Variants in MGRN1 observed in about 807,000 individuals in gnomAD.
The protein encoded by MGRN1 is mahogunin ring finger 1, also known as E3 ubiquitin-protein ligase MGRN1.
A neutral mutation model predicts 69.2 loss-of-function variants in MGRN1; 29 were observed. The ratio of observed to expected loss-of-function variants is 0.42; its 90% CI spans 0.31 to 0.57. The LOEUF (loss-of-function observed/expected upper bound fraction) is 0.57. MGRN1 is among the 20% of genes least tolerant of loss of function. The pLI, the probability that MGRN1 is intolerant of heterozygous loss-of-function variation, is 0.15. For synonymous variants in MGRN1, 470 were observed against 344.2 expected, an observed-to-expected ratio of 1.37 and a Z score of -4.04; for missense variants, 998 against 796.2, an observed-to-expected ratio of 1.25 and a Z score of -3.05.
chr16:4,677,322 A>G (rs1352332827), intron 10 of MGRN1, 141 bp from the exon 11 acceptor site: 3 of 480,882 alleles, frequency 6.2e-6, no homozygotes, highest in Admixed American at 7.8e-5. Context: ...AAAAGAAAAA[A>G]AAAAGACCGT....
At chr16:4,671,316 C>A in intron 8 of MGRN1, 75 bp from the exon 9 acceptor site, 1 of 1,452,396 alleles carries the variant, frequency 6.9e-7, no homozygotes, top group Non-Finnish European at 9.7e-7. Flanking sequence ...GGAGGCAGGG[C>A]TAGGCCAGGT....
intron 9 of MGRN1, among the ~76,000 whole-genome samples, chr16:4,673,280 G>T (rs2078981465): frequency 6.6e-6 from 1 of 152,138 alleles, no homozygotes. Flanking sequence ...GGGTGGGTGA[G>T]GGGCACAGAC....
At chr16:4,668,715 C>T (rs532177654) in intron 8 of MGRN1, among the ~76,000 whole-genome samples, 4 of 143,320 alleles carry the variant, frequency 2.8e-5, no homozygotes, top group East Asian at 4.1e-4. Context: ...CACTCACACT[C>T]ACTCACATAT....
rs547505631 is a variant in MGRN1, at chr16:4,647,188, A to C, written c.89-3177A>C. ...CCGAGTCCTTCATGTGGTTTTCATG[A>C]ACATGGTGCACATCTTGGAGGAGCA... On this transcript the variant is annotated intron_variant, in intron 1 of 16. Coordinates refer to ENST00000262370, the MANE Select transcript of MGRN1 (RefSeq NM_015246.4). Among the ~76,000 whole-genome samples the C allele has an allele frequency of 2.0e-5, 3 of 152,274 alleles. No homozygotes were observed. The East Asian group carries it at 5.8e-4, about 29-fold the overall frequency.
chr16:4,660,559 G>GC (rs1487756782), intron 5 of MGRN1, among the ~76,000 whole-genome samples: 1 of 152,250 alleles, frequency 6.6e-6, no homozygotes, highest in African/African-American at 2.4e-5. Flanking sequence ...GGTGCTGGCT[G>GC]CGCGGATGCA....
chr16:4,690,314 T>G lies in MGRN1; in HGVS notation c.*1406T>G, dbSNP rs1003518556. On this transcript the variant is annotated 3_prime_UTR_variant, in exon 17 of 17. Coordinates refer to ENST00000262370, the MANE Select transcript of MGRN1 (RefSeq NM_015246.4). ...GGCTGGATCCACCCCTGCGGAGCCC[T>G]GGGCCAGGCAGGTGTCTGCTGCTCA... 2.0e-5 allele frequency: 3 copies of G among 152,072 alleles called. No homozygotes were observed. The highest frequency in any genetic ancestry group is 7.3e-5 in the African/African-American group (3 of 41,374). 9.4% of individuals were successfully genotyped at this position (152,072 alleles called of 1,614,324 possible).
intron 9 of MGRN1, among the ~76,000 whole-genome samples, chr16:4,672,206 A>C (rs2078954407): frequency 6.6e-6 from 1 of 151,846 alleles, no homozygotes; most frequent in Non-Finnish European, 1.5e-5. Flanking sequence ...GCCCAGCCTA[A>C]TTTTTAATTT....
At position 4,682,959 on chromosome 16, in the gene MGRN1, C is replaced by T. The variant is rs754130213; in HGVS notation, c.1482+13C>T. On this transcript the variant is annotated intron_variant, in intron 14 of 16. Coordinates refer to ENST00000262370, the MANE Select transcript of MGRN1 (RefSeq NM_015246.4). ...CAGCTCCCCTGAGGTGAGGCCCCCC[C>T]GGGGAAGCTTTGCGCACCCGCCCGG... is the stretch of plus-strand genomic sequence containing the variant. 9.7e-6 allele frequency: 15 copies of T among 1,544,316 alleles called. No homozygotes were observed. The highest frequency in any genetic ancestry group is 2.0e-5 in the Admixed American group (1 of 50,644).
chr16:4,625,173 G>C, intron 1 of MGRN1, 125 bp downstream of exon 1: 1 of 920,190 alleles, frequency 1.1e-6, no homozygotes, highest in Non-Finnish European at 1.5e-6. Flanking sequence ...TTGCTACCCC[G>C]AGCCTTCGCG....
chr16:4,684,020 C>G (rs541129930), intron 16 of MGRN1, 88 bp downstream of exon 16: 1 of 1,149,208 alleles, frequency 8.7e-7, no homozygotes. Flanking sequence ...CGGTGCATAG[C>G]AGCAGAGGCT....
At chr16:4,674,587 T>A (rs1286369701) in intron 10 of MGRN1, among the ~76,000 whole-genome samples, 1 of 139,760 alleles carries the variant, frequency 7.2e-6, no homozygotes, top group Non-Finnish European at 1.6e-5. Context: ...GCTTTTTTTT[T>A]TTTCTTTTCT....
chr16:4,635,465 A>T (rs1172246735), intron 1 of MGRN1, among the ~76,000 whole-genome samples: 2 of 151,836 alleles, frequency 1.3e-5, no homozygotes, highest in Admixed American at 1.3e-4. Flanking sequence ...AGGCTAACAT[A>T]TTCTTTTTTT....
intron 11 of MGRN1, among the ~76,000 whole-genome samples, chr16:4,678,558 C>G (rs1484784999): frequency 6.6e-6 from 1 of 151,506 alleles, no homozygotes; most frequent in Non-Finnish European, 1.5e-5. Flanking sequence ...TGTGGAGAGA[C>G]AGGGTGAGAG....
intron 10 of MGRN1, among the ~76,000 whole-genome samples, chr16:4,675,606 C>G (rs562748312): frequency 1.3e-5 from 2 of 151,878 alleles, no homozygotes. Flanking sequence ...GATGTGTTGG[C>G]TATAGTACCA....
At chr16:4,634,791 C>T (rs1358391289) in intron 1 of MGRN1, 1 of 152,260 alleles carries the variant, frequency 6.6e-6, no homozygotes, top group Non-Finnish European at 1.5e-5. Context: ...AGAAGAAACA[C>T]CGTTTGCTCA....
intron 16 of MGRN1, chr16:4,688,515 C>T (rs995145689): frequency 1.4e-4 from 169 of 1,214,908 alleles, no homozygotes; most frequent in East Asian, 7.1e-4. Context: ...GGGCATCCAC[C>T]GCGGTGCCGT....
intron 10 of MGRN1, 200 bp from the exon 11 acceptor site, chr16:4,677,263 C>A (rs947609790): frequency 8.9e-6 from 4 of 450,774 alleles, no homozygotes; most frequent in South Asian, 4.4e-5. Context: ...CTGCTTCTTT[C>A]TTTCTTCCCC....
chr16:4,687,955 G>A (rs561442385), intron 16 of MGRN1: 6 of 985,718 alleles, frequency 6.1e-6, no homozygotes, highest in East Asian at 1.1e-4. Context: ...AGACGGCCCC[G>A]GCCTGCGCAT....
At chr16:4,677,710 T>G (rs1596312478) in intron 11 of MGRN1, 138 bp downstream of exon 11, 1 of 807,970 alleles carries the variant, frequency 1.2e-6, no homozygotes, top group African/African-American at 1.8e-5. Flanking sequence ...CATGGATGGC[T>G]GTGAGGCATG....
Sources: gnomAD v4.1 joint callset for allele counts (sites outside exome capture counted in the v4.1 genomes callset) on GRCh38, gnomAD v4.1.1 for gene constraint, MANE v1.5 for transcripts, NCBI Gene and HGNC (gene_info 2026-07-23, HGNC 2026-07-21) for gene names.